The following HS3ST2 variants were observed in gnomAD, a reference collection of about 807,000 sequenced individuals.
The protein encoded by HS3ST2 is heparan sulfate glucosamine 3-O-sulfotransferase 2.
Under a neutral mutation model 26.3 loss-of-function variants are expected in HS3ST2, and 17 were observed. That is an observed-to-expected ratio of 0.65 (90% CI 0.44 to 0.97). The LOEUF (loss-of-function observed/expected upper bound fraction) is 0.97. Among genes scored for constraint, HS3ST2 ranks in the 50% least tolerant of loss-of-function variants. HS3ST2 has a pLI of 0.00. For synonymous variants in HS3ST2, 237 were observed against 219.2 expected (o/e 1.08, Z -0.72); for missense variants, 402 against 501.2 (o/e 0.80, Z 1.89).
intron 1 of HS3ST2, among the ~76,000 whole-genome samples, chr16:22,840,657 T>C (rs1266558823): frequency 6.6e-6 from 1 of 152,158 alleles, no homozygotes; most frequent in Non-Finnish European, 1.5e-5. Context: ...TACAGGCTTC[T>C]GGCTGCACTG....
Position 22,915,349 on chromosome 16 carries a change from C to G in HS3ST2, c.891C>G (p.Phe297Leu). Residue 297 changes from phenylalanine to leucine, a missense_variant, in exon 2 of 2, where the codon TTC becomes TTG. By Grantham distance (22) the Phe-to-Leu change is conservative (BLOSUM62 0). Coordinates refer to ENST00000261374, the MANE Select transcript of HS3ST2 (RefSeq NM_006043.2). ...AGGACTTCCTGGGCATTAAGAGATTCATCACGGACAAGCACTTCTATTTCA... is the reference window on the plus strand; with the variant it reads ...AGGACTTCCTGGGCATTAAGAGATTGATCACGGACAAGCACTTCTATTTCA... ...RVQDFLGIKR[F>L]ITDKHFYFNK... The G allele has an allele frequency of 6.2e-7, 1 of 1,614,058 alleles. No individual in the cohort carries two copies. Among genetic ancestry groups the G allele is most frequent in the Middle Eastern group, 1.6e-4 (1 of 6,062 alleles).
In HS3ST2 at chr16:22,915,136, G is replaced by T. The variant is rs761158872; in HGVS notation, c.678G>T (p.Pro226=). 10 of 1,613,928 alleles carry T rather than the reference G, an allele frequency of 6.2e-6. No homozygotes were observed. In the Admixed American group the frequency reaches 1.5e-4, roughly 24 times the overall value. Residue 226 remains proline (P), a synonymous_variant, in exon 2 of 2, where the codon CCG becomes CCT. Coordinates refer to ENST00000261374, the MANE Select transcript of HS3ST2 (RefSeq NM_006043.2). ...TQTLSKKPDI[P]TFEGLSFRNR... is the part of the protein sequence containing the mutation. ...CACTCTCCAAGAAGCCCGACATCCC[G>T]ACCTTTGAGGGCCTCTCCTTCCGCA...
At chr16:22,888,373 C>CTTTTTT (rs1165585404) in intron 1 of HS3ST2, among the ~76,000 whole-genome samples, 606 of 60,898 alleles carry the variant, frequency 1.0e-2, no homozygotes, top group African/African-American at 0.014. Flanking sequence ...TCTGGCTTTT[C>CTTTTTT]TTTTTTTTTT....
At chr16:22,849,244 C>A (rs1901487007) in intron 1 of HS3ST2, among the ~76,000 whole-genome samples, 1 of 152,114 alleles carries the variant, frequency 6.6e-6, no homozygotes, top group South Asian at 2.1e-4. Context: ...CCATTTCCAG[C>A]CAACAGGATC....
chr16:22,885,214 A>C (rs1186171650), intron 1 of HS3ST2, among the ~76,000 whole-genome samples: 4 of 152,106 alleles, frequency 2.6e-5, no homozygotes, highest in Non-Finnish European at 5.9e-5. Context: ...AGGATCTGTG[A>C]GAGGTGGCTT....
At chr16:22,886,985 C>T (rs888042207) in intron 1 of HS3ST2, among the ~76,000 whole-genome samples, 1 of 152,168 alleles carries the variant, frequency 6.6e-6, no homozygotes, top group Non-Finnish European at 1.5e-5. Context: ...CTCCTGACCT[C>T]AAGTGATCCT....
chr16:22,914,635 G>T (rs1407370504), intron 1 of HS3ST2, among the ~76,000 whole-genome samples: 1 of 148,216 alleles, frequency 6.7e-6, no homozygotes, highest in Non-Finnish European at 1.5e-5. Flanking sequence ...ATGGGAAGAT[G>T]GGAAGATGGG....
chr16:22,879,973 C>G (rs1470452797), intron 1 of HS3ST2, among the ~76,000 whole-genome samples: 1 of 152,232 alleles, frequency 6.6e-6, no homozygotes, highest in South Asian at 2.1e-4. Flanking sequence ...GAACAAGAAG[C>G]CTCTGAAAAT....
At chr16:22,833,276 G>A (rs1476446762) in intron 1 of HS3ST2, 1 of 456,028 alleles carries the variant, frequency 2.2e-6, no homozygotes, top group South Asian at 1.5e-5. Context: ...CTTTCCTTAG[G>A]TGACTCAGAC....
In HS3ST2 at chr16:22,858,639, A is replaced by G. The variant is rs141360963; in HGVS notation, c.485+43544A>G. 2.6e-3 allele frequency among the ~76,000 whole-genome samples: 398 copies of G among 152,238 alleles called. 6 individuals are homozygous for G. The East Asian group carries it at 0.036, about 14-fold the overall frequency. ...CATTTTTATAAGGATGTGAGAGTAG[A>G]AAAAGACAAACTTGCAGCTAGACAG... On this transcript the variant is annotated intron_variant, in intron 1 of 1. Coordinates refer to ENST00000261374, the MANE Select transcript of HS3ST2 (RefSeq NM_006043.2).
At chr16:22,913,115 GAAGA>G (rs1486063648) in intron 1 of HS3ST2, among the ~76,000 whole-genome samples, 9 of 100,424 alleles carry the variant, frequency 9.0e-5, no homozygotes, top group East Asian at 6.5e-4. Context: ...GAAAGAAAGA[GAAGA>G]AAGAAAGGAA....
intron 1 of HS3ST2, among the ~76,000 whole-genome samples, chr16:22,896,746 T>C (rs1440284468): frequency 6.6e-6 from 1 of 152,190 alleles, no homozygotes; most frequent in African/African-American, 2.4e-5. Flanking sequence ...TGTGTTTTCA[T>C]GTCATCTTAC....
chr16:22,862,040 C>T (rs564118691), intron 1 of HS3ST2, among the ~76,000 whole-genome samples: 5 of 152,294 alleles, frequency 3.3e-5, no homozygotes, highest in Admixed American at 3.3e-4. Context: ...CTCTGTCCAC[C>T]CCAACTGTGG....
intron 1 of HS3ST2, among the ~76,000 whole-genome samples, chr16:22,884,846 CT>C (rs71792309): frequency 9.0e-4 from 125 of 138,394 alleles, no homozygotes; most frequent in Non-Finnish European, 9.4e-4. Context: ...CCCTCTCTGT[CT>C]TTTTTTTTTT....
In HS3ST2 at chr16:22,845,332, T is replaced by G. The variant is rs1901415815; in HGVS notation, c.485+30237T>G. Among the ~76,000 whole-genome samples the G allele has an allele frequency of 2.1e-5, 3 of 145,288 alleles. 1 individual carries two copies. In the South Asian group the frequency reaches 6.3e-4, roughly 30 times the overall value. ...CCATTCAGGAATTTCCTTTTTTGTG[T>G]GAACTCATCTATTTATTTGTGATTT... On this transcript the variant is annotated intron_variant, in intron 1 of 1. Transcript: ENST00000261374.
At position 22,844,974 on chromosome 16, in the gene HS3ST2, C is replaced by T. The variant is rs188946928; in HGVS notation, c.485+29879C>T. ...GGTTCACGCCATTCTCTTGCCTCAG[C>T]CTCCCAAGTAGCTGGGATTACAGGT... On this transcript the variant is annotated intron_variant, in intron 1 of 1. Coordinates refer to ENST00000261374, the MANE Select transcript of HS3ST2 (RefSeq NM_006043.2). 2.0e-3 allele frequency among the ~76,000 whole-genome samples: 309 copies of T among 151,958 alleles called. 1 individual carries two copies. The highest frequency in any genetic ancestry group is 1.4e-3 in the Non-Finnish European group (94 of 67,992).
chr16:22,892,239 G>A (rs1481293657), intron 1 of HS3ST2, among the ~76,000 whole-genome samples: 4 of 150,738 alleles, frequency 2.7e-5, no homozygotes, highest in African/African-American at 7.3e-5. Context: ...GGAGTGAGCC[G>A]AGATCGTGCC....
intron 1 of HS3ST2, among the ~76,000 whole-genome samples, chr16:22,901,323 G>A (rs1229899092): frequency 2.6e-5 from 4 of 152,158 alleles, no homozygotes; most frequent in Non-Finnish European, 5.9e-5. Flanking sequence ...TATTGCCAGG[G>A]CTGCCTTAAG....
At chr16:22,904,531 G>A (rs1902323654) in intron 1 of HS3ST2, among the ~76,000 whole-genome samples, 1 of 152,198 alleles carries the variant, frequency 6.6e-6, no homozygotes, top group Admixed American at 6.5e-5. Context: ...CAGGAAGGGA[G>A]AAATAATAAG....
Sources: allele counts gnomAD v4.1 joint callset (sites outside exome capture counted in the v4.1 genomes callset), GRCh38; gene constraint gnomAD v4.1.1; transcripts MANE v1.5; gene names NCBI Gene and HGNC (gene_info 2026-07-23, HGNC 2026-07-21).